RMDN2: variants seen among roughly 807,000 people sequenced by gnomAD.
RMDN2 encodes the protein regulator of microtubule dynamics 2.
A neutral mutation model predicts 52.8 loss-of-function variants in RMDN2; 61 were observed. The ratio of observed to expected loss-of-function variants is 1.16; its 90% confidence interval spans 0.94 to 1.43. RMDN2 has a LOEUF of 1.43. RMDN2 is among the 40% of genes most tolerant of loss of function. The probability of loss-of-function intolerance (pLI) is 0.00; values close to 1 mark genes in which losing one functional copy is unlikely to be tolerated. For missense variants in RMDN2, 592 were observed against 475.3 expected (o/e 1.25, Z -2.28); for synonymous variants, 180 against 153.1 (o/e 1.18, Z -1.30).
chr2:37,977,090 A>T (rs912990801), intron 4 of RMDN2, among the ~76,000 whole-genome samples: 2 of 152,192 alleles, frequency 1.3e-5, no homozygotes, highest in Non-Finnish European at 2.9e-5. Flanking sequence ...TTAACAAAGC[A>T]CATCTTGCAC....
intron 2 of RMDN2, among the ~76,000 whole-genome samples, chr2:37,963,654 C>T (rs967023377): frequency 3.3e-5 from 5 of 152,250 alleles, no homozygotes; most frequent in African/African-American, 1.2e-4. Flanking sequence ...AGATCAACAG[C>T]ATCCCAAGGC....
chr2:38,008,940 A>T (rs1677527776), intron 10 of RMDN2, among the ~76,000 whole-genome samples: 1 of 151,952 alleles, frequency 6.6e-6, no homozygotes, highest in Non-Finnish European at 1.5e-5. Flanking sequence ...TCTGTAAGGG[A>T]TTTTATTTCT....
intron 5 of RMDN2, among the ~76,000 whole-genome samples, chr2:37,983,821 A>C (rs1673638270): frequency 6.6e-6 from 1 of 152,220 alleles, no homozygotes; most frequent in South Asian, 2.1e-4. Flanking sequence ...TATGATAATA[A>C]GACATATTCT....
intron 10 of RMDN2, among the ~76,000 whole-genome samples, chr2:38,059,984 G>T (rs919562775): frequency 6.6e-6 from 1 of 151,980 alleles, no homozygotes; most frequent in African/African-American, 2.4e-5. Context: ...TGCAACCTCC[G>T]CCTCTCAGGT....
At chr2:37,959,493 G>A (rs1669914661) in intron 2 of RMDN2, among the ~76,000 whole-genome samples, 1 of 150,896 alleles carries the variant, frequency 6.6e-6, no homozygotes, top group Non-Finnish European at 1.5e-5. Context: ...GGGATCAGTG[G>A]TAATATCCCT....
chr2:37,936,651 G>A (rs752258391), intron 2 of RMDN2, among the ~76,000 whole-genome samples: 72 of 152,188 alleles, frequency 4.7e-4, no homozygotes, highest in Non-Finnish European at 9.3e-4. Context: ...CAGTGATGAT[G>A]AGCTTTTTTT....
chr2:38,029,791 C>G lies in RMDN2; in HGVS notation c.1713+25575C>G, dbSNP rs192422761. On this transcript the variant is annotated intron_variant, in intron 10 of 10. Coordinates refer to the RMDN2 transcript ENST00000234195. ...GATAGTGTATTAGTCCGTTTTCATG[C>G]TGCTGATAAAGACATACCCACCACT... is the stretch of plus-strand genomic sequence containing the variant. 333 of 151,994 alleles carry G rather than the reference C, an allele frequency of 2.2e-3. 2 individuals are homozygous for G. The Middle Eastern group carries it at 0.027, about 12-fold the overall frequency. The allele number at this position is 151,994 out of a possible 1,614,324, so 9.4% of individuals were successfully genotyped here. A position where few individuals can be genotyped will look rare whatever the true frequency, so the allele number is the denominator to read the frequency against.
upstream of RMDN2, among the ~76,000 whole-genome samples, chr2:37,921,586 A>C (rs1558424396): frequency 6.6e-6 from 1 of 152,260 alleles, no homozygotes; most frequent in Non-Finnish European, 1.5e-5. Flanking sequence ...AACCCTAAAT[A>C]ACTGAAGTGG....
At chr2:37,943,773 C>G (rs951951563) in intron 2 of RMDN2, among the ~76,000 whole-genome samples, 38 of 152,256 alleles carry the variant, frequency 2.5e-4, no homozygotes, top group Non-Finnish European at 4.4e-4. Context: ...TCTAAATTAA[C>G]TTTGCGAAGT....
At chr2:38,033,824 C>T (rs1030584504) in intron 10 of RMDN2, among the ~76,000 whole-genome samples, 2 of 152,218 alleles carry the variant, frequency 1.3e-5, no homozygotes, top group Non-Finnish European at 2.9e-5. Flanking sequence ...CCCCAACCTC[C>T]TGCTCTTGTT....
At chr2:37,927,684 T>C (rs2124880266) in intron 1 of RMDN2, among the ~76,000 whole-genome samples, 1 of 152,360 alleles carries the variant, frequency 6.6e-6, no homozygotes, top group Admixed American at 6.5e-5. Context: ...ATAATTTTAT[T>C]GACAAAAATA....
chr2:38,007,688 T>C (rs2125210164), intron 10 of RMDN2, among the ~76,000 whole-genome samples: 1 of 152,348 alleles, frequency 6.6e-6, no homozygotes, highest in South Asian at 2.1e-4. Flanking sequence ...TGAAGGGTTT[T>C]TTATGTCTCT....
intron 5 of RMDN2, among the ~76,000 whole-genome samples, chr2:37,987,833 C>T (rs931158244): frequency 1.4e-4 from 22 of 151,942 alleles, no homozygotes; most frequent in African/African-American, 5.1e-4. Flanking sequence ...TCGAGGTGGG[C>T]AGATCACCTG....
intron 5 of RMDN2, among the ~76,000 whole-genome samples, chr2:37,989,118 T>A (rs1674421418): frequency 6.6e-6 from 1 of 152,202 alleles, no homozygotes; most frequent in Non-Finnish European, 1.5e-5. Flanking sequence ...TAAGTTGACT[T>A]TAACAGTATT....
chr2:38,019,496 T>A (rs1679179215), downstream of RMDN2, among the ~76,000 whole-genome samples: 1 of 152,198 alleles, frequency 6.6e-6, no homozygotes, highest in Non-Finnish European at 1.5e-5. Context: ...TACTCTTAAT[T>A]CAGTCTTTAG....
chr2:38,051,803 C>T (rs1681618348), intron 10 of RMDN2, among the ~76,000 whole-genome samples: 1 of 152,176 alleles, frequency 6.6e-6, no homozygotes, highest in Non-Finnish European at 1.5e-5. Context: ...TGACTGATTT[C>T]ACTCAACATA....
downstream of RMDN2, among the ~76,000 whole-genome samples, chr2:38,018,038 C>T (rs777323275): frequency 3.3e-4 from 50 of 152,100 alleles, 1 homozygote; most frequent in Non-Finnish European, 1.5e-4. Context: ...AGGCAGGGAC[C>T]GGCTATTTTC....
intron 7 of RMDN2, among the ~76,000 whole-genome samples, chr2:37,996,536 A>G (rs1675561181): frequency 6.7e-6 from 1 of 149,974 alleles, no homozygotes; most frequent in African/African-American, 2.4e-5. Flanking sequence ...GTGAGCCATG[A>G]TCGTGCCGCT....
intron 2 of RMDN2, chr2:37,951,737 T>A (rs775905089): frequency 6.2e-7 from 1 of 1,612,496 alleles, no homozygotes; most frequent in African/African-American, 1.3e-5. Flanking sequence ...CTAAAAAACA[T>A]ATAACCATCT....
Sources: gnomAD v4.1 joint callset for allele counts (sites outside exome capture counted in the v4.1 genomes callset) on GRCh38, gnomAD v4.1.1 for gene constraint, MANE v1.5 for transcripts, NCBI Gene and HGNC (gene_info 2026-07-23, HGNC 2026-07-21) for gene names.